CMSS1: variants seen among roughly 807,000 people sequenced by gnomAD.
CMSS1 encodes the protein protein CMSS1.
Under a neutral mutation model 43.5 loss-of-function variants are expected in CMSS1, and 33 were observed. The ratio of observed to expected loss-of-function variants is 0.76; its 90% confidence interval spans 0.57 to 1.01. The LOEUF is 1.01. Among genes scored for constraint, CMSS1 ranks in the 50% least tolerant of loss-of-function variants. The probability of loss-of-function intolerance (pLI) is 0.00; values close to 1 mark genes in which losing one functional copy is unlikely to be tolerated. For synonymous variants in CMSS1, 115 were observed against 117.2 expected (o/e 0.98, Z 0.12); for missense variants, 313 against 326.4 (o/e 0.96, Z 0.32).
At chr3:99,994,485 A>C (rs1424584605) in intron 1 of CMSS1, among the ~76,000 whole-genome samples, 1 of 152,230 alleles carries the variant, frequency 6.6e-6, no homozygotes, top group East Asian at 1.9e-4. Flanking sequence ...ATGTTAGGCC[A>C]CAAAACAAGT....
At chr3:99,826,249 T>A (rs1447415886) in intron 1 of CMSS1, among the ~76,000 whole-genome samples, 1 of 152,218 alleles carries the variant, frequency 6.6e-6, no homozygotes, top group African/African-American at 2.4e-5. Context: ...ATATTGCTTA[T>A]AAAAAGTAGT....
intron 1 of CMSS1, among the ~76,000 whole-genome samples, chr3:100,117,826 T>TATATATATATATATATATATATATATAC (rs1252700665): frequency 1.4e-4 from 8 of 56,756 alleles, no homozygotes; most frequent in African/African-American, 3.8e-4. Context: ...TAAACTGCAG[T>TATATATATATATATATATATATATATAC]ATATATATAT....
chr3:100,022,115 T>A (rs890788087), intron 1 of CMSS1, among the ~76,000 whole-genome samples: 2 of 152,108 alleles, frequency 1.3e-5, no homozygotes, highest in African/African-American at 4.8e-5. Context: ...AAATTTTAAA[T>A]AAAAATAGAG....
chr3:99,843,238 G>C (rs1379138599), intron 1 of CMSS1, among the ~76,000 whole-genome samples: 1 of 152,086 alleles, frequency 6.6e-6, no homozygotes, highest in Non-Finnish European at 1.5e-5. Flanking sequence ...TGAGGGCCTG[G>C]GATTGAGAGA....
intron 1 of CMSS1, chr3:99,924,240 C>T: frequency 6.2e-7 from 1 of 1,613,136 alleles, no homozygotes; most frequent in South Asian, 1.1e-5. Flanking sequence ...CTTTCACATT[C>T]CTGTTCTAGT....
chr3:100,146,543 T>A (rs1226184748), intron 1 of CMSS1, among the ~76,000 whole-genome samples: 1 of 152,228 alleles, frequency 6.6e-6, no homozygotes, highest in Admixed American at 6.5e-5. Flanking sequence ...GTAAAATCAG[T>A]AGTTATATTG....
intron 1 of CMSS1, among the ~76,000 whole-genome samples, chr3:100,145,793 AT>A (rs2066844708): frequency 6.6e-6 from 1 of 152,364 alleles, no homozygotes; most frequent in East Asian, 1.9e-4. Context: ...ATTTCAACCA[AT>A]TGGATGAGGC....
chr3:100,012,951 AT>A (rs754521546), intron 1 of CMSS1, among the ~76,000 whole-genome samples: 6 of 151,442 alleles, frequency 4.0e-5, no homozygotes, highest in Non-Finnish European at 8.8e-5. Flanking sequence ...TTTTTATTTT[AT>A]GTATGTATGT....
chr3:100,051,904 T>G (rs1187139391), intron 1 of CMSS1, among the ~76,000 whole-genome samples: 1 of 148,646 alleles, frequency 6.7e-6, no homozygotes, highest in African/African-American at 2.4e-5. Flanking sequence ...ATATATTTAT[T>G]AATATGTGTT....
intron 1 of CMSS1, among the ~76,000 whole-genome samples, chr3:99,946,634 C>G (rs1282397463): frequency 6.6e-6 from 1 of 152,136 alleles, no homozygotes; most frequent in Non-Finnish European, 1.5e-5. Flanking sequence ...GCATCTAACC[C>G]ACTCTCTTCA....
chr3:100,148,852 T>C (rs1371273038), intron 2 of CMSS1, among the ~76,000 whole-genome samples: 2 of 152,182 alleles, frequency 1.3e-5, no homozygotes, highest in African/African-American at 4.8e-5. Flanking sequence ...TTGGTTTTTT[T>C]TCTCCAACCA....
chr3:99,902,296 AC>A (rs1280180868), intron 1 of CMSS1, among the ~76,000 whole-genome samples: 2 of 152,200 alleles, frequency 1.3e-5, no homozygotes, highest in African/African-American at 2.4e-5. Flanking sequence ...TTTCTATTAC[AC>A]CCAGCACCTG....
intron 1 of CMSS1, among the ~76,000 whole-genome samples, chr3:100,014,087 C>T (rs1710247055): frequency 6.6e-6 from 1 of 151,516 alleles, no homozygotes; most frequent in African/African-American, 2.4e-5. Flanking sequence ...TCTCTCTGTC[C>T]CTGGCTTATT....
chr3:99,849,985 C>G (rs766323387), intron 1 of CMSS1: 1 of 1,612,176 alleles, frequency 6.2e-7, no homozygotes, highest in Non-Finnish European at 8.5e-7. Context: ...TAAATCATCT[C>G]TCTCCTTGGT....
intron 1 of CMSS1, among the ~76,000 whole-genome samples, chr3:100,063,421 G>C (rs2065608085): frequency 1.3e-5 from 2 of 151,864 alleles, no homozygotes; most frequent in South Asian, 4.2e-4. Context: ...TATTATTATA[G>C]TATTATTATC....
At chr3:100,068,951 A>C (rs1405519356) in intron 1 of CMSS1, among the ~76,000 whole-genome samples, 4 of 152,194 alleles carry the variant, frequency 2.6e-5, no homozygotes, top group Non-Finnish European at 4.4e-5. Context: ...AGCAGGTGGC[A>C]CTGTGAAATA....
intron 1 of CMSS1, chr3:99,851,108 G>T: frequency 1.3e-6 from 2 of 1,492,460 alleles, no homozygotes; most frequent in Non-Finnish European, 9.0e-7. Context: ...TGTGATTGAT[G>T]CTTTAGTAAC....
chr3:99,896,903 A>G (rs1192382299), intron 1 of CMSS1, among the ~76,000 whole-genome samples: 1 of 152,218 alleles, frequency 6.6e-6, no homozygotes, highest in African/African-American at 2.4e-5. Context: ...GCTGAAGTCC[A>G]TTTCCACTCA....
chr3:100,132,558 G>A (rs886294386), intron 1 of CMSS1, among the ~76,000 whole-genome samples: 12 of 152,026 alleles, frequency 7.9e-5, no homozygotes, highest in African/African-American at 2.9e-4. Flanking sequence ...GGTGGCTCAC[G>A]CCTGTAATCC....
Sources: allele counts gnomAD v4.1 joint callset (sites outside exome capture counted in the v4.1 genomes callset), GRCh38; gene constraint gnomAD v4.1.1; transcripts MANE v1.5; gene names NCBI Gene and HGNC (gene_info 2026-07-23, HGNC 2026-07-21).